TP53BP1: variants seen among roughly 807,000 people sequenced by gnomAD.
TP53BP1 encodes the protein TP53-binding protein 1.
A neutral mutation model predicts 200.8 loss-of-function variants in TP53BP1; 61 were observed. That is an observed-to-expected ratio of 0.30 (90% CI 0.25 to 0.38). The LOEUF is 0.38. TP53BP1 is among the 10% of genes least tolerant of loss of function. The pLI is 1.00. For missense variants in TP53BP1, 2,144 were observed against 2,371.9 expected, an observed-to-expected ratio of 0.90 and a Z score of 2.00; for synonymous variants, 822 against 844.3, an observed-to-expected ratio of 0.97 and a Z score of 0.46.
chr15:43,406,342 A>G lies in TP53BP1; in HGVS notation c.*1041T>C. 3.3e-6 allele frequency: 1 copy of G among 306,418 alleles called. No homozygotes were observed. The highest frequency in any genetic ancestry group is 8.1e-5 in the East Asian group (1 of 12,394). The allele number at this position is 306,418 out of a possible 1,614,324, so 19.0% of individuals were successfully genotyped here. On this transcript the variant is annotated 3_prime_UTR_variant, in exon 28 of 28. Transcript: ENST00000382044. ...TCTGGTTTTCATCACTACATATTCT[A>G]CACACACTGGGAAGCTCTGACAACT...
intron 18 of TP53BP1, among the ~76,000 whole-genome samples, chr15:43,425,044 G>C (rs2045493925): frequency 6.6e-6 from 1 of 152,162 alleles, no homozygotes; most frequent in African/African-American, 2.4e-5. Flanking sequence ...AAGGCCCCTG[G>C]CAATGTGATA....
intron 1 of TP53BP1, among the ~76,000 whole-genome samples, chr15:43,500,932 G>A (rs1053449640): frequency 6.6e-6 from 1 of 152,086 alleles, no homozygotes; most frequent in South Asian, 2.1e-4. Context: ...ACTTTGGGAG[G>A]CCAATGCAGG....
rs766390033 is a variant in TP53BP1 at position 43,403,618 on chromosome 15, T to C, written c.*3765A>G. 8 of 1,211,578 alleles carry C rather than the reference T, an allele frequency of 6.6e-6. No individual in the cohort carries two copies. The highest frequency in any genetic ancestry group is 3.5e-5 in the Admixed American group (2 of 56,668). The allele number at this position is 1,211,578 out of a possible 1,614,324, so 75.1% of individuals were successfully genotyped here. On this transcript the variant is annotated 3_prime_UTR_variant, in exon 28 of 28. Transcript: ENST00000382044. ...TCAGCTATTAATCAGACTGTTCTCC[T>C]AACACTTTAACTTCATGGATGTACC... is the stretch of plus-strand genomic sequence containing the variant.
intron 14 of TP53BP1, among the ~76,000 whole-genome samples, chr15:43,445,319 A>G (rs933060578): frequency 2.6e-5 from 4 of 152,138 alleles, no homozygotes; most frequent in African/African-American, 9.7e-5. Context: ...ACATCTTACT[A>G]AACTTGCTCC....
intron 4 of TP53BP1, among the ~76,000 whole-genome samples, chr15:43,485,824 C>A (rs2079039461): frequency 6.6e-6 from 1 of 151,686 alleles, no homozygotes; most frequent in Non-Finnish European, 1.5e-5. Context: ...CCAGCCTGGG[C>A]AACAAAGCAA....
intron 14 of TP53BP1, 91 bp from the exon 15 acceptor site, chr15:43,441,674 T>C: frequency 1.3e-6 from 1 of 779,140 alleles, no homozygotes; most frequent in Non-Finnish European, 2.2e-6. Flanking sequence ...CTACTAGTAT[T>C]TGCAAAAAAT....
chr15:43,454,666 A>G lies in TP53BP1; in HGVS notation c.2716+1226T>C, dbSNP rs1225428866. On this transcript the variant is annotated intron_variant, in intron 12 of 27. Coordinates refer to ENST00000382044, the MANE Select transcript of TP53BP1 (RefSeq NM_001141980.3). ...GCGTGAGCCACCACGCCTGACCTAC[A>G]TTATACTAACTCTAAGGATTCAGAA... Among the ~76,000 whole-genome samples, 6 of 152,094 alleles carry G rather than the reference A, an allele frequency of 3.9e-5. No homozygotes were observed. The East Asian group carries it at 1.2e-3, about 29-fold the overall frequency.
At chr15:43,424,272 T>G (rs2045475204) in intron 18 of TP53BP1, among the ~76,000 whole-genome samples, 1 of 152,184 alleles carries the variant, frequency 6.6e-6, no homozygotes, top group Non-Finnish European at 1.5e-5. Context: ...CCTCCTCTCC[T>G]TCAAAACCAC....
intron 4 of TP53BP1, among the ~76,000 whole-genome samples, chr15:43,486,872 C>T (rs535229453): frequency 6.6e-6 from 1 of 152,250 alleles, no homozygotes; most frequent in South Asian, 2.1e-4. Context: ...GTGATCCACC[C>T]GCCTTGGCCT....
chr15:43,447,575 G>C (rs1029206927), intron 12 of TP53BP1, 90 bp from the exon 13 acceptor site: 10 of 1,184,630 alleles, frequency 8.4e-6, no homozygotes, highest in Non-Finnish European at 1.1e-5. Context: ...AATAAGAACT[G>C]CAAGAAATAT....
At chr15:43,487,151 C>T (rs559574573) in intron 4 of TP53BP1, among the ~76,000 whole-genome samples, 1 of 151,968 alleles carries the variant, frequency 6.6e-6, no homozygotes, top group Non-Finnish European at 1.5e-5. Context: ...AGAAAATGGA[C>T]AAAAGATATG....
intron 4 of TP53BP1, among the ~76,000 whole-genome samples, chr15:43,481,288 G>T (rs2078961021): frequency 6.6e-6 from 1 of 152,044 alleles, no homozygotes. Flanking sequence ...CTTGCATTCA[G>T]GAGAATTACT....
chr15:43,462,102 C>T (rs1381156526), intron 11 of TP53BP1, among the ~76,000 whole-genome samples: 1 of 150,272 alleles, frequency 6.7e-6, no homozygotes, highest in Non-Finnish European at 1.5e-5. Context: ...GAGGCTGAGG[C>T]AGGTGGATCA....
intron 12 of TP53BP1, among the ~76,000 whole-genome samples, chr15:43,454,645 G>C (rs370318653): frequency 2.0e-5 from 3 of 152,080 alleles, no homozygotes; most frequent in East Asian, 3.9e-4. Context: ...TTACAGGCGT[G>C]AGCCACCACG....
rs1424534456 is a variant in TP53BP1, at chr15:43,456,118, A to G, written c.2490T>C (p.Pro830=). 6.2e-7 allele frequency: 1 copy of G among 1,614,102 alleles called. No homozygotes were observed. Among genetic ancestry groups the G allele is most frequent in the Non-Finnish European group, 8.5e-7 (1 of 1,180,046 alleles). The change falls in exon 12 of 28, where the codon CCT becomes CCC. Residue 830 remains proline (P), a synonymous_variant. Coordinates refer to ENST00000382044, the MANE Select transcript of TP53BP1 (RefSeq NM_001141980.3). ...DLKSGTAETE[P]VEQDSSQPSL... is the part of the protein sequence containing the mutation. ...AAGGCTGTGAAGAATCTTGCTCTACAGGTTCTGTTTCTGCAGTCCCTGATT... is the reference window on the plus strand; with the variant it reads ...AAGGCTGTGAAGAATCTTGCTCTACGGGTTCTGTTTCTGCAGTCCCTGATT...
chr15:43,474,831 G>A, intron 9 of TP53BP1, 64 bp from the exon 10 acceptor site: 1 of 1,213,912 alleles, frequency 8.2e-7, no homozygotes, highest in South Asian at 1.3e-5. Context: ...TTCTGTATTT[G>A]CTTTTACTTT....
rs910362530 is a variant in TP53BP1 at position 43,403,955 on chromosome 15, A to C, written c.*3428T>G. The C allele has an allele frequency of 3.3e-6, 2 of 612,842 alleles. No homozygotes were observed. The highest frequency in any genetic ancestry group is 2.7e-5 in the Admixed American group (1 of 36,974). The allele number at this position is 612,842 out of a possible 1,614,324, so 38.0% of individuals were successfully genotyped here. On this transcript the variant is annotated 3_prime_UTR_variant, in exon 28 of 28. Coordinates refer to ENST00000382044, the MANE Select transcript of TP53BP1 (RefSeq NM_001141980.3). ...AAGATAAAAATGTTGGTATCAGTTG[A>C]TTTTGAAGCAGGTAATACTGTGCCA... is the stretch of plus-strand genomic sequence containing the variant.
intron 4 of TP53BP1, among the ~76,000 whole-genome samples, chr15:43,485,845 CA>C (rs1416942242): frequency 1.3e-5 from 2 of 150,308 alleles, no homozygotes; most frequent in African/African-American, 4.9e-5. Context: ...GACTCCGTTT[CA>C]AAAAAGAAAA....
chr15:43,410,356 T>C (rs1315106871), intron 24 of TP53BP1, among the ~76,000 whole-genome samples: 1 of 152,188 alleles, frequency 6.6e-6, no homozygotes, highest in Non-Finnish European at 1.5e-5. Flanking sequence ...GAAAACTATC[T>C]ACCTTTGATG....
Sources: allele counts gnomAD v4.1 joint callset (sites outside exome capture counted in the v4.1 genomes callset), GRCh38; gene constraint gnomAD v4.1.1; transcripts MANE v1.5; gene names NCBI Gene and HGNC (gene_info 2026-07-23, HGNC 2026-07-21).